The following SEMA3A variants were observed in gnomAD, a reference collection of about 807,000 sequenced individuals.
The protein encoded by SEMA3A is semaphorin 3A.
Under a neutral mutation model 97.9 loss-of-function variants are expected in SEMA3A, and 29 were observed. That is an observed-to-expected ratio of 0.30 (90% CI 0.22 to 0.40). The LOEUF is 0.40. Ranked by LOEUF, SEMA3A falls within the 10% of genes least tolerant of loss-of-function variation. The pLI is 1.00. For synonymous variants in SEMA3A, 321 were observed against 323.7 expected (o/e 0.99, Z 0.09); for missense variants, 763 against 951.3 (o/e 0.80, Z 2.60).
chr7:84,387,977 TA>T (rs1477404137), intron 1 of SEMA3A, among the ~76,000 whole-genome samples: 1 of 151,996 alleles, frequency 6.6e-6, no homozygotes, highest in East Asian at 1.9e-4. Flanking sequence ...ACAATGGAAA[TA>T]ACCTATTCAG....
chr7:84,491,360 A>C (rs1359710548), intron 1 of SEMA3A, among the ~76,000 whole-genome samples: 3 of 152,154 alleles, frequency 2.0e-5, no homozygotes, highest in African/African-American at 7.2e-5. Context: ...GATCAACTCA[A>C]ATGACTATTA....
intron 1 of SEMA3A, among the ~76,000 whole-genome samples, chr7:84,140,635 A>C (rs1406668835): frequency 2.0e-5 from 3 of 152,138 alleles, no homozygotes; most frequent in Admixed American, 1.3e-4. Flanking sequence ...ATATGATGCC[A>C]AAACATTTTG....
chr7:84,429,991 G>A (rs958936458), intron 1 of SEMA3A, among the ~76,000 whole-genome samples: 12 of 151,848 alleles, frequency 7.9e-5, no homozygotes, highest in Non-Finnish European at 1.5e-4. Flanking sequence ...TGGAGAAACA[G>A]AAAGAGAAAA....
chr7:84,487,590 T>C (rs1485804835), intron 1 of SEMA3A, among the ~76,000 whole-genome samples: 1 of 152,088 alleles, frequency 6.6e-6, no homozygotes, highest in Non-Finnish European at 1.5e-5. Flanking sequence ...AATAAAGTAG[T>C]TACTAGATAA....
At chr7:84,474,871 A>G (rs540074039) in intron 1 of SEMA3A, among the ~76,000 whole-genome samples, 1 of 152,154 alleles carries the variant, frequency 6.6e-6, no homozygotes, top group Non-Finnish European at 1.5e-5. Flanking sequence ...TTGTCTCTCT[A>G]TTTTAGGGGA....
intron 1 of SEMA3A, among the ~76,000 whole-genome samples, chr7:84,183,876 G>C (rs1031405273): frequency 2.0e-5 from 3 of 152,078 alleles, no homozygotes; most frequent in African/African-American, 7.2e-5. Flanking sequence ...CATAGTGTGT[G>C]TTATGTGTGA....
chr7:84,007,603 A>T (rs1392119574), intron 9 of SEMA3A, 106 bp from the exon 10 acceptor site: 6 of 925,620 alleles, frequency 6.5e-6, no homozygotes, highest in Non-Finnish European at 8.7e-6. Context: ...TTAAAATATG[A>T]ATATAAATTC....
intron 1 of SEMA3A, among the ~76,000 whole-genome samples, chr7:84,415,693 A>C (rs979592271): frequency 6.6e-6 from 1 of 152,112 alleles, no homozygotes; most frequent in Non-Finnish European, 1.5e-5. Flanking sequence ...GAGGACATCA[A>C]TAATGAAATA....
At position 84,479,405 on chromosome 7, in the gene SEMA3A, T is replaced by TGGTC. The variant is rs540707882; in HGVS notation, c.-246+13051_-246+13054dup. 3.3e-5 allele frequency among the ~76,000 whole-genome samples: 5 copies of TGGTC among 152,322 alleles called. 1 individual carries two copies. The South Asian group carries it at 1.0e-3, about 32-fold the overall frequency. On this transcript the variant is annotated intron_variant, in intron 1 of 3. Coordinates refer to the SEMA3A transcript ENST00000424555. ...TTTAACCTGCATTTATAGGGTGGAA[T>TGGTC]GGTCAACTTTCAATCAAGAAGTACT...
rs1333297381 is a variant in SEMA3A, at chr7:84,370,121, T to C, written c.-169+1703A>G. Among the ~76,000 whole-genome samples the C allele has an allele frequency of 1.9e-4, 29 of 151,486 alleles. No individual in the cohort carries two copies. In the Admixed American group the frequency reaches 1.9e-3, roughly 10 times the overall value. The stretch of plus-strand genomic sequence containing the variant: ...AGGAGAAAACCTTAAAGAGGTAGAA[T>C]GGGACCAGATTCTTGAGAACTTGGA... On this transcript the variant is annotated intron_variant, in intron 2 of 3. Transcript: ENST00000424555.
intron 14 of SEMA3A, among the ~76,000 whole-genome samples, chr7:83,977,994 G>A (rs139786559): frequency 0.043 from 6,584 of 151,720 alleles, 248 homozygotes; most frequent in East Asian, 0.23. Context: ...TAATAGAGAC[G>A]GGATTTCACC....
chr7:84,426,710 G>GT (rs1804838107), intron 1 of SEMA3A, among the ~76,000 whole-genome samples: 1 of 152,042 alleles, frequency 6.6e-6, no homozygotes, highest in South Asian at 2.1e-4. Context: ...AGAAAATATT[G>GT]TAAGTATATC....
intron 1 of SEMA3A, among the ~76,000 whole-genome samples, chr7:84,491,184 ATAGT>A (rs1374147686): frequency 1.3e-5 from 2 of 152,110 alleles, no homozygotes; most frequent in Non-Finnish European, 2.9e-5. Flanking sequence ...TCCATCTATA[ATAGT>A]TAGAAAATAA....
At chr7:84,413,448 C>G (rs1236869988) in intron 1 of SEMA3A, among the ~76,000 whole-genome samples, 1 of 152,002 alleles carries the variant, frequency 6.6e-6, no homozygotes, top group Non-Finnish European at 1.5e-5. Flanking sequence ...GGAAACATGG[C>G]AAAACCCTGT....
intron 1 of SEMA3A, among the ~76,000 whole-genome samples, chr7:84,479,335 G>A (rs1208580979): frequency 6.6e-6 from 1 of 152,092 alleles, no homozygotes; most frequent in Admixed American, 6.6e-5. Flanking sequence ...CTAGCTAATA[G>A]CCAATTAAAC....
At chr7:84,472,187 A>G (rs934846264) in intron 1 of SEMA3A, among the ~76,000 whole-genome samples, 1 of 152,124 alleles carries the variant, frequency 6.6e-6, no homozygotes, top group African/African-American at 2.4e-5. Context: ...GAGAAAAATG[A>G]TAATATTGTT....
chr7:84,305,545 C>T (rs1009958919), intron 3 of SEMA3A, among the ~76,000 whole-genome samples: 1 of 152,010 alleles, frequency 6.6e-6, no homozygotes, highest in African/African-American at 2.4e-5. Flanking sequence ...ATTTAAGACT[C>T]ATCCATATGA....
At chr7:84,257,933 A>G (rs1212175483) in intron 3 of SEMA3A, among the ~76,000 whole-genome samples, 1 of 152,234 alleles carries the variant, frequency 6.6e-6, no homozygotes, top group African/African-American at 2.4e-5. Context: ...ACATATAAAC[A>G]GAATGGTATT....
Position 84,062,826 on chromosome 7 carries a change from C to G in SEMA3A, c.454-2268G>C, listed in dbSNP as rs529252205. Reference sequence around the variant, plus strand: ...GCAGTCTGAGATCAAACTACAAGGCCGCAGCGAGGCGGGGGGAGGGGCGTC... The same window carrying G: ...GCAGTCTGAGATCAAACTACAAGGCGGCAGCGAGGCGGGGGGAGGGGCGTC... On this transcript the variant is annotated intron_variant, in intron 4 of 16. Coordinates refer to ENST00000265362, the MANE Select transcript of SEMA3A (RefSeq NM_006080.3). Among the ~76,000 whole-genome samples, 1,020 of 150,524 alleles carry G rather than the reference C, an allele frequency of 6.8e-3. 7 individuals are homozygous for G. The highest frequency in any genetic ancestry group is 0.028 in the Middle Eastern group (8 of 290).
Sources: gnomAD v4.1 joint callset for allele counts (sites outside exome capture counted in the v4.1 genomes callset) on GRCh38, gnomAD v4.1.1 for gene constraint, MANE v1.5 for transcripts, NCBI Gene and HGNC (gene_info 2026-07-23, HGNC 2026-07-21) for gene names.